GPSM2: variants seen among roughly 807,000 people sequenced by gnomAD.
GPSM2 encodes the protein G protein signaling modulator 2.
A neutral mutation model predicts 78.4 loss-of-function variants in GPSM2; 58 were observed. The observed-to-expected ratio is 0.74, with a 90% confidence interval of 0.60 to 0.92. The LOEUF (loss-of-function observed/expected upper bound fraction) is 0.92. Ranked by LOEUF, GPSM2 falls within the 40% of genes least tolerant of loss-of-function variation. GPSM2 has a pLI of 0.00. For missense variants in GPSM2, 700 were observed against 815.5 expected (o/e 0.86, Z 1.73); for synonymous variants, 224 against 280.2 (o/e 0.80, Z 2.00).
intron 1 of GPSM2, among the ~76,000 whole-genome samples, chr1:108,882,336 A>G (rs943848770): frequency 1.3e-5 from 2 of 152,222 alleles, no homozygotes; most frequent in African/African-American, 2.4e-5. Context: ...TGGATGCTCA[A>G]GTTCCTTATA....
At chr1:108,913,814 A>T (rs962159800) in intron 10 of GPSM2, among the ~76,000 whole-genome samples, 2 of 152,168 alleles carry the variant, frequency 1.3e-5, no homozygotes, top group African/African-American at 2.4e-5. Flanking sequence ...TAATAACTTT[A>T]TTGAAAAAAG....
intron 10 of GPSM2, among the ~76,000 whole-genome samples, chr1:108,912,308 G>T (rs1649815411): frequency 6.6e-6 from 1 of 152,168 alleles, no homozygotes; most frequent in South Asian, 2.1e-4. Flanking sequence ...AAGACAGTGT[G>T]CTGTTGGCAT....
chr1:108,880,064 CCTTG>C (rs1275714397), intron 1 of GPSM2, among the ~76,000 whole-genome samples: 1 of 152,166 alleles, frequency 6.6e-6, no homozygotes, highest in African/African-American at 2.4e-5. Flanking sequence ...GTACAAAATT[CCTTG>C]CTTCCAAAAA....
chr1:108,931,627 C>CAAA lies in GPSM2; in HGVS notation c.*1687_*1688insAAA. 8 of 1,011,674 alleles carry CAAA rather than the reference C, an allele frequency of 7.9e-6. No homozygotes were observed. Among genetic ancestry groups the CAAA allele is most frequent in the South Asian group, 2.5e-5 (1 of 39,634 alleles). 62.7% of individuals were successfully genotyped at this position (1,011,674 alleles called of 1,614,324 possible). ...GGAATTAATTACATTAAGTGCTCAG[C>CAAA]TAAAAAAAAAAAAAAAGTTCTAAAT... On this transcript the variant is annotated 3_prime_UTR_variant, in exon 15 of 15. Transcript: ENST00000264126.
chr1:108,923,940 T>TTTTTTTG (rs151310940), intron 13 of GPSM2, 60 bp from the exon 14 acceptor site: 15 of 1,235,256 alleles, frequency 1.2e-5, no homozygotes, highest in East Asian at 2.3e-5. Context: ...TGTGCCTAGG[T>TTTTTTTG]TTTTTTGTTT....
intron 5 of GPSM2, 95 bp downstream of exon 5, chr1:108,898,196 A>C: frequency 8.2e-7 from 1 of 1,214,818 alleles, no homozygotes; most frequent in Non-Finnish European, 1.2e-6. Flanking sequence ...TAAGTTTGGC[A>C]AAGATTTTAA....
intron 1 of GPSM2, 71 bp downstream of exon 1, chr1:108,877,299 C>G (rs997283726): frequency 6.6e-6 from 1 of 152,190 alleles, no homozygotes; most frequent in Middle Eastern, 3.4e-3. Context: ...GGGAGGGGTG[C>G]GTGTGCGTGC....
At chr1:108,894,784 T>C (rs1648233857) in intron 2 of GPSM2, among the ~76,000 whole-genome samples, 1 of 152,158 alleles carries the variant, frequency 6.6e-6, no homozygotes, top group African/African-American at 2.4e-5. Context: ...GATAGAAAAC[T>C]TGAAAATTAC....
At chr1:108,929,509 A>C in intron 14 of GPSM2, 192 bp from the exon 15 acceptor site, 1 of 616,394 alleles carries the variant, frequency 1.6e-6, no homozygotes, top group Non-Finnish European at 2.8e-6. Context: ...ATGCAGTTTC[A>C]GGTTTAAAGA....
At chr1:108,897,204 C>A in intron 3 of GPSM2, 119 bp downstream of exon 3, 1 of 799,672 alleles carries the variant, frequency 1.3e-6, no homozygotes. Flanking sequence ...ACTTCAGTAA[C>A]ATCGCTTTTC....
At chr1:108,896,216 A>T (rs1648355269) in intron 2 of GPSM2, among the ~76,000 whole-genome samples, 1 of 152,098 alleles carries the variant, frequency 6.6e-6, no homozygotes, top group Non-Finnish European at 1.5e-5. Flanking sequence ...ATTTCTGCAA[A>T]TTTTTGAATC....
At chr1:108,903,944 ATTCT>A (rs1417878788) in intron 9 of GPSM2, among the ~76,000 whole-genome samples, 177 bp from the exon 10 acceptor site, 1 of 152,158 alleles carries the variant, frequency 6.6e-6, no homozygotes. Flanking sequence ...TTCTTTCTGT[ATTCT>A]TTAAGACAAC....
chr1:108,911,621 A>G (rs545628090), intron 10 of GPSM2, among the ~76,000 whole-genome samples: 2 of 152,266 alleles, frequency 1.3e-5, no homozygotes, highest in African/African-American at 4.8e-5. Flanking sequence ...AGTTCAATTC[A>G]CCAGGAAGAT....
intron 2 of GPSM2, among the ~76,000 whole-genome samples, chr1:108,891,260 G>A (rs1647944146): frequency 6.6e-6 from 1 of 152,164 alleles, no homozygotes; most frequent in African/African-American, 2.4e-5. Context: ...CATGTAAGTT[G>A]TGAAGGAATA....
chr1:108,901,071 A>C (rs1264682466), intron 7 of GPSM2, among the ~76,000 whole-genome samples: 2 of 152,234 alleles, frequency 1.3e-5, no homozygotes, highest in Non-Finnish European at 2.9e-5. Flanking sequence ...ATATTAATTT[A>C]ATCCTCACAA....
Position 108,885,268 on chromosome 1 carries a change from T to C in GPSM2, c.-248-7T>C. The C allele has an allele frequency of 2.6e-6, 1 of 381,918 alleles. No homozygotes were observed. The highest frequency in any genetic ancestry group is 4.7e-6 in the Non-Finnish European group (1 of 211,406). The allele number at this position is 381,918 out of a possible 1,614,324, so 23.7% of individuals were successfully genotyped here. Reference sequence around the variant, plus strand: ...TTCAAGCAAAGCATCTTGTATTCCTTTTGCAGAAATGTTGCTGAAGTGCTG... The same window carrying C: ...TTCAAGCAAAGCATCTTGTATTCCTCTTGCAGAAATGTTGCTGAAGTGCTG... On this transcript the variant is annotated splice_polypyrimidine_tract_variant and splice_region_variant and intron_variant, in intron 1 of 14. Transcript: ENST00000264126.
intron 10 of GPSM2, among the ~76,000 whole-genome samples, chr1:108,911,554 CAAAA>C (rs1649743312): frequency 6.6e-6 from 1 of 152,016 alleles, no homozygotes; most frequent in Non-Finnish European, 1.5e-5. Context: ...AGCAAACAAA[CAAAA>C]ACCAAAGTAA....
At position 108,931,365 on chromosome 1, in the gene GPSM2, GC is replaced by G; in HGVS notation, c.*1426del. The G allele has an allele frequency of 6.4e-7, 1 of 1,551,018 alleles. No individual in the cohort carries two copies. Among genetic ancestry groups the G allele is most frequent in the Non-Finnish European group, 8.7e-7 (1 of 1,147,070 alleles). ...ATAACAAAGTAACTAACTAACTGTA[GC>G]AAAAGACAAGTATGGGACAGACTGG... On this transcript the variant is annotated 3_prime_UTR_variant, in exon 15 of 15. Coordinates refer to ENST00000264126, the MANE Select transcript of GPSM2 (RefSeq NM_013296.5).
chr1:108,896,887 T>C lies in GPSM2; in HGVS notation c.80T>C (p.Leu27Pro). ...AGAATGGAAGCTTCTTGCCTAGAGC[T>C]GGCCTTGGAAGGGGAACGTCTATGT... The part of the protein sequence containing the change: ...RYRMEASCLE[L>P]ALEGERLCKS... The change falls in exon 3 of 15, where the codon CTG becomes CCG. Residue 27 changes from leucine to proline, a missense_variant. Coordinates refer to ENST00000264126, the MANE Select transcript of GPSM2 (RefSeq NM_013296.5). The C allele has an allele frequency of 6.2e-7, 1 of 1,613,852 alleles. No homozygotes were observed. Among genetic ancestry groups the C allele is most frequent in the Non-Finnish European group, 8.5e-7 (1 of 1,179,704 alleles).
Sources: allele counts gnomAD v4.1 joint callset (sites outside exome capture counted in the v4.1 genomes callset), GRCh38; gene constraint gnomAD v4.1.1; transcripts MANE v1.5; gene names NCBI Gene and HGNC (gene_info 2026-07-23, HGNC 2026-07-21).